PTPRJ: variants seen among roughly 807,000 people sequenced by gnomAD.
PTPRJ encodes the protein protein tyrosine phosphatase receptor type J, also known as receptor-type tyrosine-protein phosphatase eta.
Under a neutral mutation model 141.3 loss-of-function variants are expected in PTPRJ, and 129 were observed. That is an observed-to-expected ratio of 0.91 (90% CI 0.79 to 1.06). The LOEUF (loss-of-function observed/expected upper bound fraction) is 1.06. Among genes scored for constraint, PTPRJ ranks in the 50% least tolerant of loss-of-function variants. PTPRJ has a pLI of 0.00. For missense variants in PTPRJ, 1,601 were observed against 1,679.7 expected, an observed-to-expected ratio of 0.95 and a Z score of 0.82; for synonymous variants, 610 against 640.5, an observed-to-expected ratio of 0.95 and a Z score of 0.72.
chr11:48,021,883 G>C (rs1855134355), intron 1 of PTPRJ, among the ~76,000 whole-genome samples: 1 of 152,082 alleles, frequency 6.6e-6, no homozygotes, highest in Admixed American at 6.5e-5. Flanking sequence ...TTAGTAATAT[G>C]GTATTGCCAT....
intron 1 of PTPRJ, among the ~76,000 whole-genome samples, chr11:48,007,067 A>G (rs1284333743): frequency 1.3e-5 from 2 of 151,464 alleles, no homozygotes; most frequent in African/African-American, 2.4e-5. Flanking sequence ...CAGTGGCTTC[A>G]TAGGGGACCT....
chr11:48,116,980 C>T (rs968508881), intron 3 of PTPRJ, among the ~76,000 whole-genome samples: 4 of 152,182 alleles, frequency 2.6e-5, no homozygotes, highest in Non-Finnish European at 5.9e-5. Context: ...AATGCTTGTA[C>T]AGCCCCTGGT....
At chr11:48,133,542 C>T (rs1857024837) in intron 8 of PTPRJ, among the ~76,000 whole-genome samples, 1 of 152,124 alleles carries the variant, frequency 6.6e-6, no homozygotes, top group South Asian at 2.1e-4. Context: ...GTCAGCTTAA[C>T]AGCATTAAAA....
rs371226135 is a variant in PTPRJ, at chr11:48,125,008, C to T, written c.915C>T (p.Thr305=). The change falls in exon 6 of 25, where the codon ACC becomes ACT. Residue 305 remains threonine (T), a synonymous_variant. Coordinates refer to ENST00000418331, the MANE Select transcript of PTPRJ (RefSeq NM_002843.4). ...AGAGAAGCCGGGCAGGGAGCCCCAC[C>T]GCCCCTGTGCATGATGAGTCCCTCG... ...NTERSRAGSP[T]APVHDESLVG... is the part of the protein sequence containing the mutation. 82 of 1,614,008 alleles carry T rather than the reference C, an allele frequency of 5.1e-5. No homozygotes were observed. The highest frequency in any genetic ancestry group is 3.3e-4 in the African/African-American group (25 of 74,922).
At chr11:48,164,008 T>C (rs1857850645) in intron 23 of PTPRJ, among the ~76,000 whole-genome samples, 1 of 152,158 alleles carries the variant, frequency 6.6e-6, no homozygotes, top group South Asian at 2.1e-4. Flanking sequence ...AGAAGTTAGC[T>C]TTGAAGCTAA....
At chr11:48,040,195 T>C (rs1317178113) in intron 1 of PTPRJ, among the ~76,000 whole-genome samples, 1 of 152,248 alleles carries the variant, frequency 6.6e-6, no homozygotes, top group African/African-American at 2.4e-5. Context: ...TAGGTGTTAC[T>C]TCTCACCGAA....
At position 47,981,021 on chromosome 11, in the gene PTPRJ, T is replaced by C; in HGVS notation, c.96+13T>C. On this transcript the variant is annotated intron_variant, in intron 1 of 24. Transcript: ENST00000418331. ...GCGCCTGGGCCAGGTAAGCGCCGGGTGGGCTCGGGCGGGGGGCAGGAGGCT... is the reference window on the plus strand; with the variant it reads ...GCGCCTGGGCCAGGTAAGCGCCGGGCGGGCTCGGGCGGGGGGCAGGAGGCT... The C allele has an allele frequency of 2.1e-6, 1 of 468,864 alleles. No individual in the cohort carries two copies. Among genetic ancestry groups the C allele is most frequent in the Non-Finnish European group, 2.9e-6 (1 of 350,182 alleles). The allele number at this position is 468,864 out of a possible 1,614,324, so 29.0% of individuals were successfully genotyped here.
At chr11:48,003,835 A>G (rs779641736) in intron 1 of PTPRJ, among the ~76,000 whole-genome samples, 2 of 152,204 alleles carry the variant, frequency 1.3e-5, no homozygotes, top group Non-Finnish European at 2.9e-5. Flanking sequence ...ACACATGCCA[A>G]TTGGGCTTCA....
intron 1 of PTPRJ, among the ~76,000 whole-genome samples, chr11:48,037,918 C>T (rs1051198262): frequency 2.0e-5 from 3 of 151,962 alleles, no homozygotes; most frequent in Non-Finnish European, 2.9e-5. Flanking sequence ...TTCTGGCCTC[C>T]GTGAGTCCAC....
intron 16 of PTPRJ, 199 bp from the exon 17 acceptor site, chr11:48,149,791 C>A: frequency 1.8e-6 from 1 of 568,382 alleles, no homozygotes; most frequent in Non-Finnish European, 3.1e-6. Context: ...GTCACAAAAC[C>A]AATTAGTTAC....
At chr11:48,122,127 G>T (rs1164872176) in intron 4 of PTPRJ, among the ~76,000 whole-genome samples, 1 of 152,156 alleles carries the variant, frequency 6.6e-6, no homozygotes. Context: ...AAGAGCCAAA[G>T]AAATGGGAGT....
rs370213483 is a variant in PTPRJ, at chr11:48,093,393, A to G, written c.97-16665A>G. ...TTCAATTTTTAAAGCATTTCTTTTT[A>G]TTATTTAAAACTTTTAGCATTGGTG... On this transcript the variant is annotated intron_variant, in intron 1 of 24. Coordinates refer to ENST00000418331, the MANE Select transcript of PTPRJ (RefSeq NM_002843.4). 1.1e-4 allele frequency among the ~76,000 whole-genome samples: 16 copies of G among 152,284 alleles called. No individual in the cohort carries two copies. The South Asian group carries it at 3.3e-3, about 32-fold the overall frequency.
chr11:48,073,727 C>T (rs767843647), intron 1 of PTPRJ, among the ~76,000 whole-genome samples: 1 of 151,640 alleles, frequency 6.6e-6, no homozygotes, highest in Non-Finnish European at 1.5e-5. Flanking sequence ...TTTCTCTTCT[C>T]CTTTTTTTCT....
chr11:48,043,509 A>G (rs1854317898), intron 1 of PTPRJ, among the ~76,000 whole-genome samples: 3 of 152,348 alleles, frequency 2.0e-5, no homozygotes, highest in East Asian at 1.9e-4. Context: ...GTGAGGGGAA[A>G]GCAGTGGTTT....
At chr11:48,083,091 C>G (rs1378030367) in intron 1 of PTPRJ, among the ~76,000 whole-genome samples, 1 of 152,132 alleles carries the variant, frequency 6.6e-6, no homozygotes, top group Non-Finnish European at 1.5e-5. Flanking sequence ...GGGCAGGTCC[C>G]TCTTCCACCA....
chr11:48,147,851 G>GTT (rs780495053), intron 15 of PTPRJ, among the ~76,000 whole-genome samples: 38 of 145,292 alleles, frequency 2.6e-4, no homozygotes, highest in Non-Finnish European at 1.2e-4. Context: ...GTTAGGTTCT[G>GTT]TTTTTTTTTT....
intron 1 of PTPRJ, among the ~76,000 whole-genome samples, chr11:48,083,090 C>G (rs1175245249): frequency 4.6e-5 from 7 of 152,124 alleles, no homozygotes; most frequent in African/African-American, 1.4e-4. Flanking sequence ...AGGGCAGGTC[C>G]CTCTTCCACC....
chr11:48,049,714 C>T (rs1344271189), intron 1 of PTPRJ, among the ~76,000 whole-genome samples: 1 of 50,616 alleles, frequency 2.0e-5, no homozygotes, highest in South Asian at 6.5e-4. Context: ...AACTCTGTCT[C>T]AAAAAAAAAA....
intron 2 of PTPRJ, among the ~76,000 whole-genome samples, chr11:48,111,586 A>C (rs1352186327): frequency 6.6e-6 from 1 of 152,214 alleles, no homozygotes; most frequent in Admixed American, 6.5e-5. Context: ...CCTGTTAATT[A>C]GTTTAATAAA....
Sources: allele counts gnomAD v4.1 joint callset (sites outside exome capture counted in the v4.1 genomes callset), GRCh38; gene constraint gnomAD v4.1.1; transcripts MANE v1.5; gene names NCBI Gene and HGNC (gene_info 2026-07-23, HGNC 2026-07-21).